Variants in SLC35D4 observed in about 807,000 individuals in gnomAD.
SLC35D4 encodes solute carrier family 35 member D4.
chr18:23,329,044 C>T, the SLC35D4 span, among the ~76,000 whole-genome samples: 1 of 152,120 alleles, frequency 6.6e-6, no homozygotes, highest in Non-Finnish European at 1.5e-5. Flanking sequence ...ACACCTTATA[C>T]AAAAATTAAT....
At chr18:23,347,399 A>ATCTCTC in the SLC35D4 span, among the ~76,000 whole-genome samples, 2,427 of 149,104 alleles carry the variant, frequency 0.016, 63 homozygotes, top group African/African-American at 0.057. Flanking sequence ...GATAATTTGC[A>ATCTCTC]TCTCTCTCTC....
At chr18:23,312,688 T>C in the SLC35D4 span, among the ~76,000 whole-genome samples, 1 of 152,152 alleles carries the variant, frequency 6.6e-6, no homozygotes, top group African/African-American at 2.4e-5. Flanking sequence ...GATGCCCCAC[T>C]ACTGTCCTAT....
At chr18:23,289,967 C>T in the SLC35D4 span, among the ~76,000 whole-genome samples, 3 of 152,116 alleles carry the variant, frequency 2.0e-5, no homozygotes, top group Non-Finnish European at 2.9e-5. Flanking sequence ...GGACTCAGCC[C>T]GCCTGCACCC....
chr18:23,317,274 C>T, the SLC35D4 span, among the ~76,000 whole-genome samples: 9 of 152,186 alleles, frequency 5.9e-5, no homozygotes, highest in Non-Finnish European at 2.9e-5. Context: ...CCTTGTAATT[C>T]TCATAGGAAG....
chr18:23,321,426 G>C, the SLC35D4 span, among the ~76,000 whole-genome samples: 1 of 151,854 alleles, frequency 6.6e-6, no homozygotes, highest in Admixed American at 6.6e-5. Flanking sequence ...TATTTCCCTA[G>C]AGCCACTGGA....
At chr18:23,332,037 C>G in the SLC35D4 span, among the ~76,000 whole-genome samples, 1,376 of 149,700 alleles carry the variant, frequency 9.2e-3, 16 homozygotes, top group African/African-American at 0.032. Flanking sequence ...AGGCACACAC[C>G]TTTACACCTG....
chr18:23,300,431 A>G, the SLC35D4 span, among the ~76,000 whole-genome samples: 1 of 152,180 alleles, frequency 6.6e-6, no homozygotes, highest in Admixed American at 6.5e-5. Context: ...CTCCTTAATC[A>G]CCAGGGAGAA....
chr18:23,245,779 G>A, the SLC35D4 span, among the ~76,000 whole-genome samples: 1 of 152,228 alleles, frequency 6.6e-6, no homozygotes, highest in African/African-American at 2.4e-5. Context: ...CTTCCCTGCA[G>A]CCAGGCATTC....
At chr18:23,286,639 A>C in the SLC35D4 span, among the ~76,000 whole-genome samples, 2 of 151,794 alleles carry the variant, frequency 1.3e-5, no homozygotes, top group East Asian at 3.9e-4. Flanking sequence ...TATGGAGGCT[A>C]CCCACTCCAC....
the SLC35D4 span, among the ~76,000 whole-genome samples, chr18:23,403,761 T>C: frequency 6.6e-6 from 1 of 152,126 alleles, no homozygotes; most frequent in Non-Finnish European, 1.5e-5. Flanking sequence ...AGCAGAGATA[T>C]CAAGTAGGCA....
the SLC35D4 span, among the ~76,000 whole-genome samples, chr18:23,299,617 C>T: frequency 3.9e-5 from 6 of 152,212 alleles, no homozygotes; most frequent in Admixed American, 2.0e-4. Context: ...ACCCCGCCCA[C>T]GAGGCCAAAG....
At chr18:23,374,051 T>C in the SLC35D4 span, among the ~76,000 whole-genome samples, 1 of 152,120 alleles carries the variant, frequency 6.6e-6, no homozygotes, top group African/African-American at 2.4e-5. Context: ...TTGAGGAAAA[T>C]AGTGTGCCTG....
chr18:23,246,596 T>C, the SLC35D4 span, among the ~76,000 whole-genome samples: 2 of 151,858 alleles, frequency 1.3e-5, no homozygotes, highest in African/African-American at 2.4e-5. Flanking sequence ...TTTCACCGTG[T>C]TAGCCAGGAT....
At chr18:23,364,902 C>CAAAAAAAAAA in the SLC35D4 span, among the ~76,000 whole-genome samples, 20 of 31,886 alleles carry the variant, frequency 6.3e-4, 4 homozygotes, top group African/African-American at 1.3e-3. Flanking sequence ...GACTCTGTCT[C>CAAAAAAAAAA]AAAAAAAAAA....
At chr18:23,365,560 C>T in the SLC35D4 span, 5 of 1,564,308 alleles carry the variant, frequency 3.2e-6, no homozygotes, top group Non-Finnish European at 4.4e-6. Context: ...TGAAATGTCT[C>T]TGAGAGACAG....
chr18:23,373,820 T>C, the SLC35D4 span: 2 of 1,587,418 alleles, frequency 1.3e-6, no homozygotes, highest in Non-Finnish European at 1.7e-6. Flanking sequence ...AAGGTTTCCC[T>C]AAGAGCGTGG....
At chr18:23,262,868 T>C in the SLC35D4 span, among the ~76,000 whole-genome samples, 1 of 152,076 alleles carries the variant, frequency 6.6e-6, no homozygotes, top group Non-Finnish European at 1.5e-5. Context: ...AGAAGATGGG[T>C]GGGAATGAAA....
the SLC35D4 span, among the ~76,000 whole-genome samples, chr18:23,276,176 C>A: frequency 6.6e-6 from 1 of 152,116 alleles, no homozygotes; most frequent in South Asian, 2.1e-4. Flanking sequence ...CAAGCTCCGC[C>A]TCCCGGGTTC....
chr18:23,300,251 C>T, the SLC35D4 span, among the ~76,000 whole-genome samples: 1 of 152,154 alleles, frequency 6.6e-6, no homozygotes, highest in Admixed American at 6.5e-5. Context: ...AAGTGACTGC[C>T]GTTCCCCTTG....
Sources: allele counts gnomAD v4.1 joint callset (sites outside exome capture counted in the v4.1 genomes callset), GRCh38; gene constraint gnomAD v4.1.1; transcripts MANE v1.5; gene names NCBI Gene and HGNC (gene_info 2026-07-23, HGNC 2026-07-21).